Variants in PRRC2A observed in about 807,000 individuals in gnomAD.
PRRC2A encodes the protein protein PRRC2A.
PRRC2A carries 59 observed loss-of-function variants against 224.6 expected under a neutral mutation model. The observed-to-expected ratio is 0.26, with a 90% CI of 0.21 to 0.33. The LOEUF (loss-of-function observed/expected upper bound fraction) is 0.33. Ranked by LOEUF, PRRC2A falls within the 10% of genes least tolerant of loss-of-function variation. The pLI is 1.00. For missense variants in PRRC2A, 3,095 were observed against 2,880.7 expected, an observed-to-expected ratio of 1.07 and a Z score of -1.70; for synonymous variants, 1,194 against 1,109.5, an observed-to-expected ratio of 1.08 and a Z score of -1.51.
In PRRC2A at chr6:31,632,676, C is replaced by T. The variant is rs958398121; in HGVS notation, c.4003C>T (p.Arg1335Ter). The stretch of plus-strand genomic sequence containing the variant: ...GAGCAGTGACTTCACCAGTGAGCGC[C>T]GAGGGGACAAAGAGGCACCCCCACC... ...SESSDFTSER[R>*]GDKEAPPPVL... The change falls in exon 16 of 31, where the codon CGA becomes TGA. Residue 1335 changes from arginine to a stop codon, truncating the protein, a stop_gained. Transcript: ENST00000376033. LOFTEE classifies it high-confidence loss of function. 6.2e-7 allele frequency: 1 copy of T among 1,613,046 alleles called. No individual in the cohort carries two copies. Among genetic ancestry groups the T allele is most frequent in the Non-Finnish European group, 8.5e-7 (1 of 1,180,016 alleles).
chr6:31,635,360 C>T (rs754017398), intron 22 of PRRC2A, 34 bp from the exon 23 acceptor site: 2 of 1,613,792 alleles, frequency 1.2e-6, no homozygotes, highest in South Asian at 1.1e-5. Context: ...ATGTCTGTCA[C>T]GGGACAATGT....
chr6:31,623,215 A>G lies in PRRC2A; in HGVS notation c.112+314A>G, dbSNP rs1229573903. ...TGATCAACCAATCTCACATAAAAGT[A>G]TTGAATGTTACATATCTCAGCCTTC... On this transcript the variant is annotated intron_variant, in intron 2 of 30. Transcript: ENST00000376033. 3.1e-6 allele frequency: 2 copies of G among 637,782 alleles called. 1 individual carries two copies. Among genetic ancestry groups the G allele is most frequent in the South Asian group, 2.8e-5 (2 of 71,590 alleles). 39.5% of individuals were successfully genotyped at this position (637,782 alleles called of 1,614,324 possible). A position where few individuals can be genotyped will look rare whatever the true frequency, so the allele number is the denominator to read the frequency against.
At chr6:31,626,333 G>A (rs886230392) in intron 9 of PRRC2A, among the ~76,000 whole-genome samples, 171 bp downstream of exon 9, 2 of 151,928 alleles carry the variant, frequency 1.3e-5, no homozygotes, top group Non-Finnish European at 1.5e-5. Context: ...TGAGAGGATC[G>A]CTTGAAGCCA....
At position 31,624,147 on chromosome 6, in the gene PRRC2A, C is replaced by G. The variant is rs186633510; in HGVS notation, c.291-114C>G. 4.4e-5 allele frequency: 52 copies of G among 1,185,922 alleles called. No individual in the cohort carries two copies. In the East Asian group the frequency reaches 1.2e-3, roughly 28 times the overall value. 73.5% of individuals were successfully genotyped at this position (1,185,922 alleles called of 1,614,324 possible). ...ACAAAGGATGACAAAATTAATTTGT[C>G]CTTATATTTGTAAATGGTAGCAATG... On this transcript the variant is annotated intron_variant, in intron 3 of 30. Coordinates refer to ENST00000376033, the MANE Select transcript of PRRC2A (RefSeq NM_004638.4).
At position 31,637,731 on chromosome 6, in the gene PRRC2A, G is replaced by T; in HGVS notation, c.*145G>T. 7 of 458,124 alleles carry T rather than the reference G, an allele frequency of 1.5e-5. No individual in the cohort carries two copies. The highest frequency in any genetic ancestry group is 3.7e-5 in the East Asian group (1 of 26,972). The allele number at this position is 458,124 out of a possible 1,614,324, so 28.4% of individuals were successfully genotyped here. A position where few individuals can be genotyped will look rare whatever the true frequency, so the allele number is the denominator to read the frequency against. On this transcript the variant is annotated 3_prime_UTR_variant, in exon 31 of 31. Transcript: ENST00000376033. Reference sequence around the variant, plus strand: ...CCCCTGGTCCCCTGTCCCTGGGGCTGTTTGTTAAAAAAGAGTAATAAAAGG... The same window carrying T: ...CCCCTGGTCCCCTGTCCCTGGGGCTTTTTGTTAAAAAAGAGTAATAAAAGG...
rs759142352 is a variant in PRRC2A at position 31,631,149 on chromosome 6, C to A, written c.2476C>A (p.Pro826Thr). 2.0e-6 allele frequency: 3 copies of A among 1,519,154 alleles called. No individual in the cohort carries two copies. The highest frequency in any genetic ancestry group is 2.7e-6 in the Non-Finnish European group (3 of 1,129,594). 94.1% of individuals were successfully genotyped at this position (1,519,154 alleles called of 1,614,324 possible). A position where few individuals can be genotyped will look rare whatever the true frequency, so the allele number is the denominator to read the frequency against. The change falls in exon 16 of 31, where the codon CCT becomes ACT. Residue 826 changes from proline (P) to threonine (T), a missense_variant. Transcript: ENST00000376033. The surrounding 1 kb of genome is among the most constrained non-coding windows in gnomAD (Gnocchi z 4.5). ...TGTCTGTCTCTTCAGGAGCGAGACT[C>A]CTCCAGTACCTCCCCCACCACCCTA... ...EDDKGMRSET[P>T]PVPPPPPYLA...
rs759122849 is a variant in PRRC2A at position 31,629,144 on chromosome 6, T to C, written c.1766T>C (p.Val589Ala). The part of the protein sequence containing the change: ...TSSGSFEASP[V>A]EPQLPSKEGP... ...CTCTGTTGTGTTTTTTCCGATGCAG[T>C]GGAACCACAACTGCCCTCAAAAGAG... The change falls in exon 13 of 31, where the codon GTG (valine) becomes GCG (alanine). Residue 589 changes from valine (V) to alanine (A), a missense_variant and splice_region_variant. Transcript: ENST00000376033. 6.2e-7 allele frequency: 1 copy of C among 1,613,844 alleles called. No homozygotes were observed. Among genetic ancestry groups the C allele is most frequent in the Non-Finnish European group, 8.5e-7 (1 of 1,180,012 alleles).
In PRRC2A at chr6:31,622,899, C is replaced by A. The variant is rs1485553901; in HGVS notation, c.110C>A (p.Ala37Asp). 1 of 1,612,236 alleles carries A rather than the reference C, an allele frequency of 6.2e-7. No homozygotes were observed. The stretch of plus-strand genomic sequence containing the variant: ...AAGTCCTTAGAGATCCAGAAACCCG[C>A]TGGTGAGAGTCCTGCAAAGATGCTT... The part of the protein sequence containing the change: ...KGKSLEIQKP[A>D]VAPRHGLQSL... The change falls in exon 2 of 31, where the codon GCT becomes GAT. Residue 37 changes from alanine (A) to aspartate (D), a missense_variant and splice_region_variant. Around this residue, in one of 8 missense-constraint regions of PRRC2A, gnomAD observed 64 missense variants for 68.2 expected, o/e 0.94. Transcript: ENST00000376033.
chr6:31,627,224 G>C lies in PRRC2A; in HGVS notation c.1290+26G>C, dbSNP rs749206868. On this transcript the variant is annotated intron_variant, in intron 11 of 30. Transcript: ENST00000376033. This position sits in a 1 kb window ranked among gnomAD's most constrained non-coding sequence, Gnocchi z 5.6. The stretch of plus-strand genomic sequence containing the variant: ...GTGAGTGTCTCCAATAAGGGATTGA[G>C]AGGGTCAGCTGTGGGAAATTGGTGT... 1 of 1,493,378 alleles carries C rather than the reference G, an allele frequency of 6.7e-7. No homozygotes were observed. Among genetic ancestry groups the C allele is most frequent in the Non-Finnish European group, 9.3e-7 (1 of 1,079,020 alleles). 92.5% of individuals were successfully genotyped at this position (1,493,378 alleles called of 1,614,324 possible). A position where few individuals can be genotyped will look rare whatever the true frequency, so the allele number is the denominator to read the frequency against.
chr6:31,625,723 A>C lies in PRRC2A; in HGVS notation c.760-69A>C, dbSNP rs1179189533. 1 of 1,569,538 alleles carries C rather than the reference A, an allele frequency of 6.4e-7. No individual in the cohort carries two copies. Among genetic ancestry groups the C allele is most frequent in the Non-Finnish European group, 8.8e-7 (1 of 1,139,662 alleles). ...AAGGGAGGGTGGGAGGATGATTGAT[A>C]GCAGGCTTAAGGAGCTAGAAGGGTA... On this transcript the variant is annotated intron_variant, in intron 7 of 30. Transcript: ENST00000376033. This position sits in a 1 kb window ranked among gnomAD's most constrained non-coding sequence, Gnocchi z 4.1.
rs375614423 is a variant in PRRC2A at position 31,626,994 on chromosome 6, A to G, written c.1086A>G (p.Gln362=). 4.6e-5 allele frequency: 74 copies of G among 1,614,168 alleles called. 1 individual carries two copies. Among genetic ancestry groups the G allele is most frequent in the Middle Eastern group, 1.6e-4 (1 of 6,062 alleles). The part of the protein sequence containing the change: ...EEGAEGHRDS[Q]SASGEERPPE... The stretch of plus-strand genomic sequence containing the variant: ...GATCTGCTCACAGCAGGGATTCCCA[A>G]TCAGCTTCTGGTGAGGAACGGCCCC... Residue 362 remains glutamine, a synonymous_variant, in exon 11 of 31, where the codon CAA becomes CAG. Coordinates refer to ENST00000376033, the MANE Select transcript of PRRC2A (RefSeq NM_004638.4).
rs530872342 is a variant in PRRC2A, at chr6:31,631,048, G to A, written c.2466-91G>A. 12 of 1,333,796 alleles carry A rather than the reference G, an allele frequency of 9.0e-6. No homozygotes were observed. The South Asian group carries it at 1.7e-4, about 19-fold the overall frequency. The allele number at this position is 1,333,796 out of a possible 1,614,324, so 82.6% of individuals were successfully genotyped here. On this transcript the variant is annotated intron_variant, in intron 15 of 30. Coordinates refer to ENST00000376033, the MANE Select transcript of PRRC2A (RefSeq NM_004638.4). The surrounding 1 kb of genome is among the most constrained non-coding windows in gnomAD (Gnocchi z 4.5). Reference sequence around the variant, plus strand: ...CAAAACAAACAGAAAAATAGTAAAAGAGAGTCTGCATCATAATAAAGTGTT... The same window carrying A: ...CAAAACAAACAGAAAAATAGTAAAAAAGAGTCTGCATCATAATAAAGTGTT...
Position 31,628,105 on chromosome 6 carries a change from C to A in PRRC2A, c.1631C>A (p.Thr544Lys), listed in dbSNP as rs1046080. 1,206,775 of 1,612,820 alleles carry A rather than the reference C, an allele frequency of 0.75. 455,099 individuals are homozygous for A. Among genetic ancestry groups the A allele is most frequent in the East Asian group, 0.98 (44,027 of 44,862 alleles). The change falls in exon 12 of 31, where the codon ACA (threonine) becomes AAA (lysine). Residue 544 changes from threonine (T) to lysine (K), a missense_variant. This residue lies in a region of PRRC2A where 2,001 missense variants were observed against 1,764.9 expected (regional missense o/e 1.13). Transcript: ENST00000376033. Reference protein sequence around the residue: ...PPPASAPTPETEPEEPAQAPP... With the variant: ...PPPASAPTPEKEPEEPAQAPP... ...CCAGCATCAGCCCCAACACCAGAGACAGAACCTGAAGAGCCAGCACAGGCC... is the reference window on the plus strand; with the variant it reads ...CCAGCATCAGCCCCAACACCAGAGAAAGAACCTGAAGAGCCAGCACAGGCC...
At chr6:31,624,641 T>C in intron 5 of PRRC2A, 119 bp downstream of exon 5, 1 of 1,135,360 alleles carries the variant, frequency 8.8e-7, no homozygotes, top group Non-Finnish European at 1.3e-6. Flanking sequence ...ACCACCCATA[T>C]TCAGTTTCAT....
Position 31,627,055 on chromosome 6 carries a change from A to G in PRRC2A, c.1147A>G (p.Ser383Gly). 6.2e-7 allele frequency: 1 copy of G among 1,614,204 alleles called. No homozygotes were observed. Among genetic ancestry groups the G allele is most frequent in the Non-Finnish European group, 8.5e-7 (1 of 1,180,038 alleles). Residue 383 changes from serine to glycine, a missense_variant, in exon 11 of 31, where the codon AGC becomes GGC. Coordinates refer to ENST00000376033, the MANE Select transcript of PRRC2A (RefSeq NM_004638.4). This position sits in a 1 kb window ranked among gnomAD's most constrained non-coding sequence, Gnocchi z 5.6. Reference sequence around the variant, plus strand: ...TGGCAAAAAGGGCAACTCCCCCAACAGCGAACCGCCCACTCCTAAGACGGC... The same window carrying G: ...TGGCAAAAAGGGCAACTCCCCCAACGGCGAACCGCCCACTCCTAAGACGGC... Reference protein sequence around the residue: ...ADGKKGNSPNSEPPTPKTAWA... With the variant: ...ADGKKGNSPNGEPPTPKTAWA...
In PRRC2A at chr6:31,631,448, C is replaced by T; in HGVS notation, c.2775C>T (p.Arg925=). The T allele has an allele frequency of 6.2e-7, 1 of 1,610,068 alleles. No individual in the cohort carries two copies. The highest frequency in any genetic ancestry group is 1.1e-5 in the South Asian group (1 of 90,780). ...GCAGAGAGAGTCGCACAGAGACCCG[C>T]TGGGGCCCTCGTCCAGGGAGCAGTC... ...PPRRESRTET[R]WGPRPGSSRR... is the part of the protein sequence containing the mutation. Residue 925 remains arginine (R), a synonymous_variant, in exon 16 of 31, where the codon CGC becomes CGT. Coordinates refer to ENST00000376033, the MANE Select transcript of PRRC2A (RefSeq NM_004638.4). This position sits in a 1 kb window ranked among gnomAD's most constrained non-coding sequence, Gnocchi z 4.5.
rs781456345 is a variant in PRRC2A, at chr6:31,634,001, G to T, written c.4719+12G>T. 15 of 1,602,098 alleles carry T rather than the reference G, an allele frequency of 9.4e-6. No individual in the cohort carries two copies. The highest frequency in any genetic ancestry group is 4.5e-5 in the East Asian group (2 of 44,848). ...AGCTGCTACAGGAGGTAAGGGATGG[G>T]TTTGAGATTGTGCTTCACTGCACTC... On this transcript the variant is annotated intron_variant, in intron 18 of 30. Transcript: ENST00000376033.
chr6:31,626,277 G>C, intron 9 of PRRC2A, 115 bp downstream of exon 9: 1 of 1,258,096 alleles, frequency 7.9e-7, no homozygotes, highest in Non-Finnish European at 1.1e-6. Flanking sequence ...GGAAGACCAG[G>C]CCCAATGGCT....
At chr6:31,622,425 G>A (rs1190920963) in intron 1 of PRRC2A, among the ~76,000 whole-genome samples, 1 of 152,196 alleles carries the variant, frequency 6.6e-6, no homozygotes, top group Non-Finnish European at 1.5e-5. Context: ...TACTTGTAGG[G>A]AATTACTCTT....
Sources: gnomAD v4.1 joint callset for allele counts (sites outside exome capture counted in the v4.1 genomes callset) on GRCh38, gnomAD v4.1.1 for gene constraint, gnomAD v4.1.1 regional missense constraint, Gnocchi (gnomAD v3.1) non-coding constraint, MANE v1.5 for transcripts, NCBI Gene and HGNC (gene_info 2026-07-23, HGNC 2026-07-21) for gene names.